The following PDE1A variants were observed in gnomAD, a reference collection of about 807,000 sequenced individuals.
PDE1A encodes the protein phosphodiesterase 1A.
A neutral mutation model predicts 61.7 loss-of-function variants in PDE1A; 35 were observed. That is an observed-to-expected ratio of 0.57 (90% confidence interval 0.43 to 0.75). The LOEUF (loss-of-function observed/expected upper bound fraction) is 0.75, where lower values mean the gene tolerates loss of function less well. Among genes scored for constraint, PDE1A ranks in the 30% least tolerant of loss-of-function variants. The pLI, the probability that PDE1A is intolerant of heterozygous loss-of-function variation, is 0.00. For synonymous variants in PDE1A, 232 were observed against 213.2 expected (o/e 1.09, Z -0.77); for missense variants, 597 against 630.6 (o/e 0.95, Z 0.57).
chr2:182,591,633 C>A, the PDE1A span, among the ~76,000 whole-genome samples: 1 of 152,084 alleles, frequency 6.6e-6, no homozygotes, highest in Admixed American at 6.5e-5. Context: ...TTCCACAACG[C>A]CCTGGGTATC....
chr2:182,626,529 T>C, the PDE1A span, among the ~76,000 whole-genome samples: 4 of 151,266 alleles, frequency 2.6e-5, no homozygotes, highest in Middle Eastern at 3.4e-3. Flanking sequence ...TTTGTGATAT[T>C]AATCCTTACA....
intron 2 of PDE1A, among the ~76,000 whole-genome samples, chr2:182,443,586 G>T (rs1186676124): frequency 6.6e-6 from 1 of 151,910 alleles, no homozygotes; most frequent in African/African-American, 2.4e-5. Flanking sequence ...AGATGTGCTT[G>T]CTTCCCCTTT....
the PDE1A span, among the ~76,000 whole-genome samples, chr2:182,688,209 T>A: frequency 6.6e-6 from 1 of 151,962 alleles, no homozygotes. Context: ...GAAGAGCAAC[T>A]CCAAGACACA....
At chr2:182,231,997 AT>A (rs1689621500) in intron 4 of PDE1A, among the ~76,000 whole-genome samples, 1 of 152,188 alleles carries the variant, frequency 6.6e-6, no homozygotes, top group African/African-American at 2.4e-5. Flanking sequence ...ATTAAAAGGT[AT>A]TTTTTACACT....
chr2:182,524,890 C>A (rs749802892), upstream of PDE1A, among the ~76,000 whole-genome samples: 3 of 151,774 alleles, frequency 2.0e-5, no homozygotes, highest in Non-Finnish European at 2.9e-5. Flanking sequence ...TCTATTAGAA[C>A]AAGTAGTTCC....
chr2:182,298,479 A>C (rs1481112365), intron 1 of PDE1A, among the ~76,000 whole-genome samples: 2 of 152,128 alleles, frequency 1.3e-5, no homozygotes, highest in Admixed American at 6.6e-5. Context: ...TATGACCATG[A>C]TATGTGGGAT....
At chr2:182,230,562 T>C (rs1689498890) in intron 5 of PDE1A, among the ~76,000 whole-genome samples, 1 of 152,180 alleles carries the variant, frequency 6.6e-6, no homozygotes, top group African/African-American at 2.4e-5. Flanking sequence ...CAGGAAATGA[T>C]GAAAGTAATA....
downstream of PDE1A, among the ~76,000 whole-genome samples, chr2:182,167,047 T>G (rs1411794516): frequency 6.6e-6 from 1 of 152,104 alleles, no homozygotes; most frequent in Non-Finnish European, 1.5e-5. Context: ...CAGTAAACCG[T>G]TCATGTTCTG....
At chr2:182,626,839 A>G in the PDE1A span, among the ~76,000 whole-genome samples, 1 of 27,180 alleles carries the variant, frequency 3.7e-5, no homozygotes, top group South Asian at 1.7e-3. Flanking sequence ...ATATATATAC[A>G]TATATATACA....
chr2:182,189,256 G>T (rs1685494235), intron 10 of PDE1A, among the ~76,000 whole-genome samples, 196 bp from the exon 11 acceptor site: 1 of 152,138 alleles, frequency 6.6e-6, no homozygotes, highest in South Asian at 2.1e-4. Flanking sequence ...GGGACATTTT[G>T]CAGGGAGAAA....
At chr2:182,545,922 A>G in the PDE1A span, among the ~76,000 whole-genome samples, 1 of 152,236 alleles carries the variant, frequency 6.6e-6, no homozygotes, top group Non-Finnish European at 1.5e-5. Context: ...AAACCTGTTT[A>G]GTGACTTTTA....
intron 1 of PDE1A, among the ~76,000 whole-genome samples, chr2:182,373,362 G>C (rs921361979): frequency 6.6e-6 from 1 of 152,168 alleles, no homozygotes; most frequent in African/African-American, 2.4e-5. Flanking sequence ...AGGAGGAGGA[G>C]AGAGGGCAGA....
chr2:182,551,774 T>G, the PDE1A span, among the ~76,000 whole-genome samples: 1 of 152,180 alleles, frequency 6.6e-6, no homozygotes, highest in African/African-American at 2.4e-5. Context: ...AGCCTACAAG[T>G]GTCCAGGACA....
rs574415943 is a variant in PDE1A, at chr2:182,239,240, T to C, written c.350+870A>G. Reference sequence around the variant, plus strand: ...TATCAGAAGATGAGAAATAATGCAGTTTCTCTAAAATTTAATTTTAGGCAT... The same window carrying C: ...TATCAGAAGATGAGAAATAATGCAGCTTCTCTAAAATTTAATTTTAGGCAT... On this transcript the variant is annotated intron_variant, in intron 3 of 13. Transcript: ENST00000351439. 2.2e-4 allele frequency among the ~76,000 whole-genome samples: 33 copies of C among 152,316 alleles called. No individual in the cohort carries two copies. In the South Asian group the frequency reaches 6.2e-3, roughly 29 times the overall value.
chr2:182,454,238 A>T (rs2125730823), intron 2 of PDE1A, among the ~76,000 whole-genome samples: 1 of 152,270 alleles, frequency 6.6e-6, no homozygotes, highest in South Asian at 2.1e-4. Context: ...TTCAAGGAGA[A>T]CTACAAACCA....
At chr2:182,681,078 C>T in the PDE1A span, among the ~76,000 whole-genome samples, 1 of 151,738 alleles carries the variant, frequency 6.6e-6, no homozygotes, top group African/African-American at 2.4e-5. Context: ...CTTTTGGTGC[C>T]TCTTCCTTTC....
chr2:182,567,912 C>A, the PDE1A span, among the ~76,000 whole-genome samples: 12 of 151,658 alleles, frequency 7.9e-5, no homozygotes, highest in East Asian at 1.6e-3. Context: ...CCTGCCTCAG[C>A]CTCCTGAGTA....
chr2:182,246,880 A>C (rs1665104280), intron 2 of PDE1A, among the ~76,000 whole-genome samples: 1 of 152,204 alleles, frequency 6.6e-6, no homozygotes, highest in Admixed American at 6.5e-5. Context: ...AGCTTCTAAA[A>C]TCATGTGTGA....
intron 13 of PDE1A, among the ~76,000 whole-genome samples, chr2:182,174,490 C>T (rs1205820125): frequency 6.6e-6 from 1 of 151,986 alleles, no homozygotes; most frequent in Non-Finnish European, 1.5e-5. Flanking sequence ...CTCTGAGAGT[C>T]AATCAGGGGA....
Sources: gnomAD v4.1 joint callset for allele counts (sites outside exome capture counted in the v4.1 genomes callset) on GRCh38, gnomAD v4.1.1 for gene constraint, MANE v1.5 for transcripts, NCBI Gene and HGNC (gene_info 2026-07-23, HGNC 2026-07-21) for gene names.